MMAB: variants seen among roughly 807,000 people sequenced by gnomAD.
MMAB encodes corrinoid adenosyltransferase MMAB.
A neutral mutation model predicts 30.6 loss-of-function variants in MMAB; 17 were observed. The ratio of observed to expected loss-of-function variants is 0.56; its 90% CI spans 0.38 to 0.83. The LOEUF is 0.83. MMAB is among the 40% of genes least tolerant of loss of function. The pLI, the probability that MMAB is intolerant of heterozygous loss-of-function variation, is 0.00. For synonymous variants in MMAB, 134 were observed against 138.6 expected, an observed-to-expected ratio of 0.97 and a Z score of 0.23; for missense variants, 311 against 331.6, an observed-to-expected ratio of 0.94 and a Z score of 0.48.
rs1052016367 is a variant in MMAB, at chr12:109,568,712, T to A, written c.290+58A>T. The A allele has an allele frequency of 1.1e-5, 14 of 1,300,404 alleles. 1 individual carries two copies. The African/African-American group carries it at 2.0e-4, about 19-fold the overall frequency. 80.6% of individuals were successfully genotyped at this position (1,300,404 alleles called of 1,614,324 possible). A position where few individuals can be genotyped will look rare whatever the true frequency, so the allele number is the denominator to read the frequency against. On this transcript the variant is annotated intron_variant, in intron 3 of 8. Transcript: ENST00000545712. The stretch of plus-strand genomic sequence containing the variant: ...AGCATGCGTGAGAGCTTCACATTCA[T>A]TACGTTTACTCATACTCGACTCAAA...
intron 2 of MMAB, among the ~76,000 whole-genome samples, chr12:109,571,087 C>G (rs568862596): frequency 2.6e-5 from 4 of 152,112 alleles, no homozygotes; most frequent in African/African-American, 9.7e-5. Flanking sequence ...CCAGGTGTAA[C>G]CTTTCAGACT....
At chr12:109,563,502 G>T (rs1055970532) in intron 4 of MMAB, among the ~76,000 whole-genome samples, 2 of 152,264 alleles carry the variant, frequency 1.3e-5, no homozygotes, top group African/African-American at 2.4e-5. Context: ...TGCCAAGGCT[G>T]GGTGGGAGGT....
At position 109,557,383 on chromosome 12, in the gene MMAB, C is replaced by T. The variant is rs12828717; in HGVS notation, c.645-247G>A. On this transcript the variant is annotated intron_variant, in intron 8 of 8. Transcript: ENST00000545712. ...CCATTCCTGCAGGATGAGGCCATTG[C>T]CCCGGCCCTACCCCATGGGGCAGAT... Among the ~76,000 whole-genome samples the T allele has an allele frequency of 0.11, 17,389 of 152,308 alleles. 1,266 individuals carry two copies. Among genetic ancestry groups the T allele is most frequent in the Middle Eastern group, 0.17 (50 of 292 alleles).
chr12:109,573,363 C>T lies in MMAB; in HGVS notation c.118G>A (p.Val40Met). 8 of 1,613,236 alleles carry T rather than the reference C, an allele frequency of 5.0e-6. No individual in the cohort carries two copies. Among genetic ancestry groups the T allele is most frequent in the Non-Finnish European group, 6.8e-6 (8 of 1,179,896 alleles). ...GCCACTCACCTGTCCCCGTCTTCCA[C>T]GCCCTGAGGGCCGCGGCTCTGGAAA... ...PRFQSRGPQG[V>M]EDGDRPQPSS... The change falls in exon 1 of 9, where the codon GTG becomes ATG. Residue 40 changes from valine (V) to methionine (M), a missense_variant. Val to Met is a conservative substitution (Grantham distance 21). Coordinates refer to ENST00000545712, the MANE Select transcript of MMAB (RefSeq NM_052845.4).
chr12:109,560,597 T>C (rs1884156454), intron 7 of MMAB, among the ~76,000 whole-genome samples: 1 of 152,244 alleles, frequency 6.6e-6, no homozygotes, highest in African/African-American at 2.4e-5. Context: ...CCCACAGCCA[T>C]GCAGGCCTTT....
At chr12:109,560,774 A>C (rs980857462) in intron 7 of MMAB, among the ~76,000 whole-genome samples, 23 of 152,302 alleles carry the variant, frequency 1.5e-4, no homozygotes, top group African/African-American at 5.1e-4. Context: ...GTCACATGTC[A>C]CTGTCTCCAC....
At chr12:109,571,541 C>G in intron 2 of MMAB, 108 bp downstream of exon 2, 1 of 1,036,624 alleles carries the variant, frequency 9.6e-7, no homozygotes, top group East Asian at 2.5e-5. Flanking sequence ...CATGAGCCAC[C>G]GCGCCTGGTA....
chr12:109,564,013 C>T (rs1443971071), intron 4 of MMAB, among the ~76,000 whole-genome samples: 2 of 152,252 alleles, frequency 1.3e-5, no homozygotes, highest in South Asian at 2.1e-4. Flanking sequence ...GACACTGTGA[C>T]GCATGAGTCC....
chr12:109,565,794 G>A (rs1202704249), intron 3 of MMAB, among the ~76,000 whole-genome samples: 2 of 152,194 alleles, frequency 1.3e-5, no homozygotes, highest in Non-Finnish European at 2.9e-5. Context: ...CCTGGAGGAG[G>A]TGATGCTGGA....
chr12:109,561,732 C>A lies in MMAB; in HGVS notation c.421+48G>T. ...TCCCAGATGGTGACCCTAGGAGAGT[C>A]CCCTGACCCTAGGGCCCTCTGAACA... On this transcript the variant is annotated intron_variant, in intron 5 of 8. Transcript: ENST00000545712. The surrounding 1 kb of genome is among the most constrained non-coding windows in gnomAD (Gnocchi z 5.3). 1.3e-6 allele frequency: 2 copies of A among 1,517,798 alleles called. No homozygotes were observed. The highest frequency in any genetic ancestry group is 2.4e-5 in the East Asian group (1 of 41,954). The allele number at this position is 1,517,798 out of a possible 1,614,324, so 94.0% of individuals were successfully genotyped here.
chr12:109,557,934 C>T (rs1225506800), intron 8 of MMAB, among the ~76,000 whole-genome samples: 1 of 152,232 alleles, frequency 6.6e-6, no homozygotes, highest in Admixed American at 6.5e-5. Context: ...GACGACGCCA[C>T]GGGCCCCAGA....
In MMAB at chr12:109,571,629, T is replaced by G. The variant is rs1884629671; in HGVS notation, c.196+20A>C. 1 of 1,611,852 alleles carries G rather than the reference T, an allele frequency of 6.2e-7. No individual in the cohort carries two copies. Among genetic ancestry groups the G allele is most frequent in the East Asian group, 2.2e-5 (1 of 44,884 alleles). ...ATGCCATGAGTATTTCTTTGCATTT[T>G]TCACCTGTCCCCACCCTACCTTTGT... On this transcript the variant is annotated intron_variant, in intron 2 of 8. Coordinates refer to ENST00000545712, the MANE Select transcript of MMAB (RefSeq NM_052845.4).
rs1420136887 is a variant in MMAB, at chr12:109,555,062, C to T, written c.*1966G>A. ...AACGGCCTTGTTTCAAAGATTGTCA[C>T]TTTAGGATGTTGTATTTACTCAAAA... On this transcript the variant is annotated 3_prime_UTR_variant, in exon 9 of 9. Coordinates refer to ENST00000545712, the MANE Select transcript of MMAB (RefSeq NM_052845.4). 8.8e-6 allele frequency: 4 copies of T among 453,908 alleles called. No homozygotes were observed. Among genetic ancestry groups the T allele is most frequent in the Non-Finnish European group, 1.8e-5 (4 of 226,806 alleles). 28.1% of individuals were successfully genotyped at this position (453,908 alleles called of 1,614,324 possible).
Position 109,553,916 on chromosome 12 carries a change from T to C in MMAB, c.*3112A>G, listed in dbSNP as rs1883877604. ...GCTTCCGAACTGGGGACGTTTGTCA[T>C]TGGGATGTGTTACAAGTTCGGGCTG... On this transcript the variant is annotated 3_prime_UTR_variant, in exon 9 of 9. Coordinates refer to ENST00000545712, the MANE Select transcript of MMAB (RefSeq NM_052845.4). 2 of 453,912 alleles carry C rather than the reference T, an allele frequency of 4.4e-6. No individual in the cohort carries two copies. Among genetic ancestry groups the C allele is most frequent in the South Asian group, 1.6e-5 (1 of 64,470 alleles). The allele number at this position is 453,912 out of a possible 1,614,324, so 28.1% of individuals were successfully genotyped here.
rs115916913 is a variant in MMAB, at chr12:109,572,563, T to C, written c.134+784A>G. 2.7e-3 allele frequency among the ~76,000 whole-genome samples: 407 copies of C among 152,198 alleles called. 3 individuals carry two copies. Among genetic ancestry groups the C allele is most frequent in the African/African-American group, 9.4e-3 (392 of 41,516 alleles). On this transcript the variant is annotated intron_variant, in intron 1 of 8. Coordinates refer to ENST00000545712, the MANE Select transcript of MMAB (RefSeq NM_052845.4). ...CACCGTATCTGGCCTATGATTATTT[T>C]GTTCACAGACAGGGTCTTGCTCTGT...
intron 4 of MMAB, among the ~76,000 whole-genome samples, chr12:109,563,867 C>T (rs1019116958): frequency 1.3e-5 from 2 of 152,276 alleles, no homozygotes; most frequent in South Asian, 2.1e-4. Context: ...CTGCGGGGAG[C>T]GGTTTCTGGG....
chr12:109,563,178 T>A (rs1746615142), intron 4 of MMAB, among the ~76,000 whole-genome samples: 1 of 152,192 alleles, frequency 6.6e-6, no homozygotes, highest in Non-Finnish European at 1.5e-5. Flanking sequence ...GGAGTGATAA[T>A]ACTACCCACT....
rs1883893468 is a variant in MMAB at position 109,554,458 on chromosome 12, G to A, written c.*2570C>T. On this transcript the variant is annotated 3_prime_UTR_variant, in exon 9 of 9. Transcript: ENST00000545712. ...AAGTGCCCACAAACTCAGGGATCGA[G>A]TAGTATTTGTGTGCAATATTTTCCA... is the stretch of plus-strand genomic sequence containing the variant. 1 of 453,998 alleles carries A rather than the reference G, an allele frequency of 2.2e-6. No individual in the cohort carries two copies. Among genetic ancestry groups the A allele is most frequent in the Non-Finnish European group, 4.4e-6 (1 of 226,796 alleles). The allele number at this position is 453,998 out of a possible 1,614,324, so 28.1% of individuals were successfully genotyped here. A position where few individuals can be genotyped will look rare whatever the true frequency, so the allele number is the denominator to read the frequency against.
chr12:109,560,970 T>TGGGGGG, intron 7 of MMAB, 70 bp downstream of exon 7: 1 of 808,198 alleles, frequency 1.2e-6, no homozygotes, highest in Non-Finnish European at 2.0e-6. Flanking sequence ...CTCCTCTCCC[T>TGGGGGG]CTCCCTCCCC....
Sources: allele counts gnomAD v4.1 joint callset (sites outside exome capture counted in the v4.1 genomes callset), GRCh38; gene constraint gnomAD v4.1.1; non-coding constraint Gnocchi (gnomAD v3.1); transcripts MANE v1.5; gene names NCBI Gene and HGNC (gene_info 2026-07-23, HGNC 2026-07-21).